Variants in TNR observed in about 807,000 individuals in gnomAD.
TNR encodes the protein tenascin-R.
In TNR, 45 loss-of-function variants were observed where a neutral mutation model predicts 150.4. The ratio of observed to expected loss-of-function variants is 0.30; its 90% CI spans 0.24 to 0.38. The LOEUF (loss-of-function observed/expected upper bound fraction) is 0.38. Ranked by LOEUF, TNR falls within the 10% of genes least tolerant of loss-of-function variation. TNR has a pLI of 1.00. For synonymous variants in TNR, 687 were observed against 678.4 expected (o/e 1.01, Z -0.20); for missense variants, 1,544 against 1,759.1 (o/e 0.88, Z 2.19).
chr1:175,685,020 G>A (rs1284606326), intron 1 of TNR, among the ~76,000 whole-genome samples: 1 of 151,784 alleles, frequency 6.6e-6, no homozygotes, highest in East Asian at 1.9e-4. Flanking sequence ...TTTCATCAAG[G>A]GGGCTTGGTT....
intron 18 of TNR, among the ~76,000 whole-genome samples, chr1:175,343,925 T>C (rs148163468): frequency 6.6e-6 from 1 of 152,206 alleles, no homozygotes. Flanking sequence ...GAGTACAAGA[T>C]GTCCAGGTTT....
chr1:175,319,217 T>G lies in TNR; in HGVS notation c.*4140A>C, dbSNP rs6672214. The G allele has an allele frequency of 2.0e-5, 3 of 152,258 alleles. No individual in the cohort carries two copies. Among genetic ancestry groups the G allele is most frequent in the African/African-American group, 7.2e-5 (3 of 41,542 alleles). 9.4% of individuals were successfully genotyped at this position (152,258 alleles called of 1,614,324 possible). A position where few individuals can be genotyped will look rare whatever the true frequency, so the allele number is the denominator to read the frequency against. The stretch of plus-strand genomic sequence containing the variant: ...AAGAAAAAGAAAAAATGTTTTCATG[T>G]CCCTAGGGTATTTGCAAATCCAGGT... On this transcript the variant is annotated 3_prime_UTR_variant, in exon 23 of 23. Transcript: ENST00000367674.
intron 1 of TNR, among the ~76,000 whole-genome samples, chr1:175,624,171 T>C (rs1356216163): frequency 6.6e-6 from 1 of 152,206 alleles, no homozygotes; most frequent in Non-Finnish European, 1.5e-5. Context: ...CTAGCTTACA[T>C]GGTGGTACCT....
intron 1 of TNR, among the ~76,000 whole-genome samples, chr1:175,698,200 ACAGT>A (rs1225690451): frequency 2.6e-4 from 40 of 152,356 alleles, no homozygotes; most frequent in African/African-American, 8.4e-4. Flanking sequence ...CAGACAACGA[ACAGT>A]CAAACATACC....
chr1:175,399,845 A>G (rs1448503122), intron 4 of TNR, among the ~76,000 whole-genome samples: 2 of 152,208 alleles, frequency 1.3e-5, no homozygotes, highest in Admixed American at 1.3e-4. Flanking sequence ...TTTTGCATAA[A>G]TGTTGCACTT....
chr1:175,677,473 C>G (rs947755484), intron 1 of TNR, among the ~76,000 whole-genome samples: 3 of 152,212 alleles, frequency 2.0e-5, no homozygotes, highest in African/African-American at 7.2e-5. Context: ...GAGGGACTCT[C>G]CCATCAGAGC....
At chr1:175,646,185 C>T (rs1664804715) in intron 1 of TNR, among the ~76,000 whole-genome samples, 1 of 152,202 alleles carries the variant, frequency 6.6e-6, no homozygotes, top group African/African-American at 2.4e-5. Flanking sequence ...TCTCTACAAA[C>T]TTCCCATCCT....
At position 175,316,116 on chromosome 1, in the gene TNR, A is replaced by G. The variant is rs1648834527; in HGVS notation, c.*7241T>C. ...TTCCTTTATATATAAACATCATTCA[A>G]TTAAAGGGAAGGGGTTTATGTCTGG... On this transcript the variant is annotated 3_prime_UTR_variant, in exon 23 of 23. Transcript: ENST00000367674. The G allele has an allele frequency of 6.6e-6, 1 of 152,180 alleles. No homozygotes were observed. Among genetic ancestry groups the G allele is most frequent in the Non-Finnish European group, 1.5e-5 (1 of 68,036 alleles). The allele number at this position is 152,180 out of a possible 1,614,324, so 9.4% of individuals were successfully genotyped here.
chr1:175,676,056 G>A (rs2101906563), intron 1 of TNR, among the ~76,000 whole-genome samples: 2 of 152,248 alleles, frequency 1.3e-5, no homozygotes, highest in Admixed American at 1.3e-4. Context: ...GAACTATTTT[G>A]AGTTTCTCTG....
intron 1 of TNR, among the ~76,000 whole-genome samples, chr1:175,698,094 C>A (rs1217746463): frequency 6.6e-6 from 1 of 152,222 alleles, no homozygotes; most frequent in African/African-American, 2.4e-5. Flanking sequence ...CCTCTTTTAA[C>A]TTCCATTCAT....
intron 20 of TNR, among the ~76,000 whole-genome samples, chr1:175,333,696 A>G (rs902410443): frequency 4.6e-5 from 7 of 152,220 alleles, no homozygotes; most frequent in African/African-American, 9.6e-5. Flanking sequence ...CCAGCCCTCA[A>G]TGAAGCTCAC....
intron 1 of TNR, among the ~76,000 whole-genome samples, chr1:175,680,219 T>C (rs1384892525): frequency 2.6e-5 from 4 of 152,208 alleles, no homozygotes; most frequent in African/African-American, 9.6e-5. Flanking sequence ...CTGTGGTTCC[T>C]GAGTTCATTG....
chr1:175,660,043 A>C (rs1665316102), intron 1 of TNR, among the ~76,000 whole-genome samples: 1 of 152,130 alleles, frequency 6.6e-6, no homozygotes, highest in Non-Finnish European at 1.5e-5. Flanking sequence ...TAGTGTGTGC[A>C]GAAGAAATAG....
At chr1:175,371,039 T>G (rs1262442000) in intron 9 of TNR, among the ~76,000 whole-genome samples, 1 of 150,594 alleles carries the variant, frequency 6.6e-6, no homozygotes. Context: ...TTGTTGCTCT[T>G]TGCCAGCAGG....
chr1:175,501,111 T>G (rs1355527229), intron 2 of TNR, among the ~76,000 whole-genome samples: 1 of 152,152 alleles, frequency 6.6e-6, no homozygotes, highest in Non-Finnish European at 1.5e-5. Context: ...CAGATGCCTT[T>G]AAGTTCTCTA....
rs558638303 is a variant in TNR, at chr1:175,519,172, G to A, written c.-64+9097C>T. 3.3e-5 allele frequency among the ~76,000 whole-genome samples: 5 copies of A among 152,208 alleles called. No individual in the cohort carries two copies. In the East Asian group the frequency reaches 7.7e-4, roughly 23 times the overall value. On this transcript the variant is annotated intron_variant, in intron 2 of 22. Coordinates refer to ENST00000367674, the MANE Select transcript of TNR (RefSeq NM_003285.3). ...TCCTCATCTTAAAGACACAAACACAGTCCTCTGTTACAGTTACCGCTCTGA... is the reference window on the plus strand; with the variant it reads ...TCCTCATCTTAAAGACACAAACACAATCCTCTGTTACAGTTACCGCTCTGA...
chr1:175,380,576 GAA>G (rs796892998), intron 8 of TNR, among the ~76,000 whole-genome samples: 7 of 128,792 alleles, frequency 5.4e-5, no homozygotes, highest in Admixed American at 7.8e-5. Context: ...GTCTCCAAAG[GAA>G]AAAAAAAAAA....
chr1:175,561,603 T>C (rs1661430440), intron 1 of TNR, among the ~76,000 whole-genome samples: 1 of 152,184 alleles, frequency 6.6e-6, no homozygotes, highest in Admixed American at 6.5e-5. Context: ...GATCCCATAG[T>C]CATCTGCTTA....
rs552227152 is a variant in TNR, at chr1:175,518,785, C to T, written c.-64+9484G>A. Reference sequence around the variant, plus strand: ...CTCCCTTATCGCCCCCTCTACATTTCGGTTGCCCTCACCTTCTCCTTTACA... The same window carrying T: ...CTCCCTTATCGCCCCCTCTACATTTTGGTTGCCCTCACCTTCTCCTTTACA... On this transcript the variant is annotated intron_variant, in intron 2 of 22. Coordinates refer to ENST00000367674, the MANE Select transcript of TNR (RefSeq NM_003285.3). Among the ~76,000 whole-genome samples, 25 of 152,294 alleles carry T rather than the reference C, an allele frequency of 1.6e-4. No homozygotes were observed. The East Asian group carries it at 3.3e-3, about 20-fold the overall frequency.
Sources: allele counts gnomAD v4.1 joint callset (sites outside exome capture counted in the v4.1 genomes callset), GRCh38; gene constraint gnomAD v4.1.1; transcripts MANE v1.5; gene names NCBI Gene and HGNC (gene_info 2026-07-23, HGNC 2026-07-21).